WWTR1: variants seen among roughly 807,000 people sequenced by gnomAD.
The protein encoded by WWTR1 is WW domain-containing transcription regulator protein 1.
A neutral mutation model predicts 40.1 loss-of-function variants in WWTR1; 13 were observed. The observed-to-expected ratio is 0.32, with a 90% CI of 0.21 to 0.52. The LOEUF is 0.52. Ranked by LOEUF, WWTR1 falls within the 20% of genes least tolerant of loss-of-function variation. The probability of loss-of-function intolerance (pLI) is 0.97; values close to 1 mark genes in which losing one functional copy is unlikely to be tolerated. For missense variants in WWTR1, 436 were observed against 523.1 expected (o/e 0.83, Z 1.63); for synonymous variants, 230 against 210.1 (o/e 1.09, Z -0.82).
intron 5 of WWTR1, among the ~76,000 whole-genome samples, chr3:149,714,866 C>A (rs1715565011): frequency 6.6e-6 from 1 of 152,126 alleles, no homozygotes; most frequent in Non-Finnish European, 1.5e-5. Flanking sequence ...CCATTAAAAA[C>A]CCCCAGAGTC....
upstream of WWTR1, chr3:149,658,253 C>G (rs1334648806): frequency 6.6e-6 from 1 of 152,448 alleles, no homozygotes; most frequent in Non-Finnish European, 1.5e-5. Flanking sequence ...TCCTCCCGGC[C>G]GCGCGGACCT....
intron 2 of WWTR1, among the ~76,000 whole-genome samples, chr3:149,612,876 A>C (rs1206836090): frequency 1.3e-5 from 2 of 152,096 alleles, no homozygotes; most frequent in Non-Finnish European, 2.9e-5. Context: ...ATACCTCAAA[A>C]CATCTCTTCC....
chr3:149,576,737 C>G (rs1354706308), intron 2 of WWTR1, among the ~76,000 whole-genome samples: 2 of 151,948 alleles, frequency 1.3e-5, no homozygotes, highest in Non-Finnish European at 2.9e-5. Context: ...ATGCAAATAA[C>G]AGGCTCACTG....
chr3:149,670,129 C>T (rs12638291), intron 1 of WWTR1, among the ~76,000 whole-genome samples: 25,962 of 152,168 alleles, frequency 0.17, 2,562 homozygotes, highest in Admixed American at 0.29. Flanking sequence ...GACAAGAAAC[C>T]ACGGCCTTCA....
intron 2 of WWTR1, among the ~76,000 whole-genome samples, chr3:149,622,498 G>GAAAGAAAGA (rs1560089724): frequency 0.058 from 2,857 of 49,554 alleles, 53 homozygotes; most frequent in Non-Finnish European, 0.07. Flanking sequence ...AGGAAGGAAG[G>GAAAGAAAGA]AAGGAAGAAA....
At chr3:149,562,638 CACACACACAA>C (rs373069480) in intron 3 of WWTR1, among the ~76,000 whole-genome samples, 1 of 140,508 alleles carries the variant, frequency 7.1e-6, no homozygotes, top group Non-Finnish European at 1.5e-5. Context: ...CACACACACA[CACACACACAA>C]AGGGGGAGGG....
intron 2 of WWTR1, among the ~76,000 whole-genome samples, chr3:149,593,376 T>C (rs1738827490): frequency 6.6e-6 from 1 of 151,138 alleles, no homozygotes; most frequent in Non-Finnish European, 1.5e-5. Flanking sequence ...TGCCCTCGTC[T>C]TAGTTTTCTT....
chr3:149,679,709 A>G (rs1258445254), intron 1 of WWTR1, among the ~76,000 whole-genome samples: 1 of 152,058 alleles, frequency 6.6e-6, no homozygotes, highest in East Asian at 1.9e-4. Context: ...CCTGAGAGGG[A>G]GCCAAAGGTT....
At chr3:149,702,878 C>T (rs949353266) in intron 1 of WWTR1, 1 of 152,232 alleles carries the variant, frequency 6.6e-6, no homozygotes, top group South Asian at 2.1e-4. Context: ...CCCACACAGT[C>T]TAGGCCTACT....
intron 4 of WWTR1, among the ~76,000 whole-genome samples, chr3:149,536,574 G>T (rs967870072): frequency 6.6e-6 from 1 of 152,036 alleles, no homozygotes; most frequent in Non-Finnish European, 1.5e-5. Context: ...GCTGTGCGAG[G>T]TCAGCCAGCT....
chr3:149,573,921 T>C (rs1229350859), intron 2 of WWTR1, among the ~76,000 whole-genome samples: 1 of 150,104 alleles, frequency 6.7e-6, no homozygotes, highest in Non-Finnish European at 1.5e-5. Context: ...CATCAAACTC[T>C]TCCTTTAGTG....
intron 3 of WWTR1, among the ~76,000 whole-genome samples, chr3:149,563,418 T>C (rs1032269565): frequency 6.6e-6 from 1 of 152,128 alleles, no homozygotes; most frequent in Non-Finnish European, 1.5e-5. Flanking sequence ...GATTAAACAA[T>C]ACATTTCAAG....
At chr3:149,594,841 T>C (rs1461162634) in intron 2 of WWTR1, among the ~76,000 whole-genome samples, 2 of 152,062 alleles carry the variant, frequency 1.3e-5, no homozygotes, top group Non-Finnish European at 2.9e-5. Flanking sequence ...GTTAATTTTC[T>C]TGGGTATAAT....
chr3:149,666,586 T>A (rs7652675), intron 2 of WWTR1, among the ~76,000 whole-genome samples: 3 of 152,062 alleles, frequency 2.0e-5, no homozygotes, highest in African/African-American at 7.2e-5. Context: ...CATATTTATA[T>A]AATATTTTAC....
At chr3:149,651,991 A>ATTTTTTTTTTTTTTTTTTTT (rs1560104151) in intron 2 of WWTR1, among the ~76,000 whole-genome samples, 1 of 50,816 alleles carries the variant, frequency 2.0e-5, no homozygotes, top group Non-Finnish European at 4.0e-5. Context: ...ACGCCCGGCT[A>ATTTTTTTTTTTTTTTTTTTT]ATTTTTTTTT....
chr3:149,568,692 G>A (rs1737470599), intron 3 of WWTR1, among the ~76,000 whole-genome samples: 1 of 152,128 alleles, frequency 6.6e-6, no homozygotes, highest in Non-Finnish European at 1.5e-5. Context: ...ACTAAGTAAT[G>A]GGTCTTTCCT....
At position 149,607,380 on chromosome 3, in the gene WWTR1, T is replaced by C. The variant is rs75218774; in HGVS notation, c.432-34380A>G. ...CCCAGGTTGGAGTGCAGTAGCGTGA[T>C]ATTGGCTCACTGCAACCTCCACCTC... On this transcript the variant is annotated intron_variant, in intron 2 of 6. Transcript: ENST00000360632. Among the ~76,000 whole-genome samples the C allele has an allele frequency of 8.0e-3, 1,211 of 152,286 alleles. 19 individuals carry two copies. Among genetic ancestry groups the C allele is most frequent in the African/African-American group, 0.027 (1,130 of 41,552 alleles).
intron 2 of WWTR1, among the ~76,000 whole-genome samples, chr3:149,664,674 C>T (rs1347071408): frequency 7.9e-5 from 12 of 151,908 alleles, no homozygotes; most frequent in Non-Finnish European, 1.8e-4. Flanking sequence ...CCGCAACCTC[C>T]ACCTCCCGGG....
At chr3:149,678,892 G>A (rs1459485530) in intron 1 of WWTR1, among the ~76,000 whole-genome samples, 13 of 150,008 alleles carry the variant, frequency 8.7e-5, no homozygotes, top group African/African-American at 1.2e-4. Context: ...GTGCAGTGGC[G>A]TGATCTCGGC....
Sources: gnomAD v4.1 joint callset for allele counts (sites outside exome capture counted in the v4.1 genomes callset) on GRCh38, gnomAD v4.1.1 for gene constraint, MANE v1.5 for transcripts, NCBI Gene and HGNC (gene_info 2026-07-23, HGNC 2026-07-21) for gene names.